DOCK8: variants seen among roughly 807,000 people sequenced by gnomAD.
DOCK8 encodes the protein dedicator of cytokinesis protein 8.
A neutral mutation model predicts 245.6 loss-of-function variants in DOCK8; 141 were observed. The ratio of observed to expected loss-of-function variants is 0.57; its 90% CI spans 0.50 to 0.66. The LOEUF is 0.66. Ranked by LOEUF, DOCK8 falls within the 30% of genes least tolerant of loss-of-function variation. The pLI is 0.00. For synonymous variants in DOCK8, 1,168 were observed against 970.2 expected, an observed-to-expected ratio of 1.20 and a Z score of -3.79; for missense variants, 2,965 against 2,603.4, an observed-to-expected ratio of 1.14 and a Z score of -3.02.
chr9:341,954 A>G (rs1489594688), intron 14 of DOCK8, among the ~76,000 whole-genome samples: 2 of 152,306 alleles, frequency 1.3e-5, no homozygotes, highest in Non-Finnish European at 2.9e-5. Context: ...ATGAGAATCT[A>G]ATGCCTGATA....
intron 29 of DOCK8, among the ~76,000 whole-genome samples, chr9:415,692 G>GCACACACGCACACACGCGCACA (rs1554699022): frequency 4.5e-4 from 68 of 151,088 alleles, no homozygotes; most frequent in Non-Finnish European, 6.9e-4. Context: ...GTGCGCGCGT[G>GCACACACGCACACACGCGCACA]CACACACACA....
intron 22 of DOCK8, among the ~76,000 whole-genome samples, chr9:383,010 T>C (rs2053787719): frequency 6.6e-6 from 1 of 152,206 alleles, no homozygotes; most frequent in Non-Finnish European, 1.5e-5. Flanking sequence ...CTTTAACTTT[T>C]GATACCTGGA....
intron 2 of DOCK8, among the ~76,000 whole-genome samples, chr9:280,302 C>G (rs1194339275): frequency 6.6e-6 from 1 of 152,054 alleles, no homozygotes; most frequent in Admixed American, 6.6e-5. Flanking sequence ...TTGAAAATTG[C>G]TTGAGGGAAG....
chr9:373,792 G>A (rs78843115), intron 18 of DOCK8, among the ~76,000 whole-genome samples: 3 of 152,112 alleles, frequency 2.0e-5, no homozygotes, highest in Non-Finnish European at 2.9e-5. Context: ...GCCATCTAAG[G>A]GGCAATCCGA....
chr9:404,914 C>G lies in DOCK8; in HGVS notation c.3235-4C>G. On this transcript the variant is annotated splice_polypyrimidine_tract_variant and splice_region_variant and intron_variant, in intron 26 of 47. Transcript: ENST00000432829. The stretch of plus-strand genomic sequence containing the variant: ...TTCATTCCTCTTTTCATTTTTCTTC[C>G]CAGCTGTCAGCCAAGCTCAGTAACC... 6.2e-7 allele frequency: 1 copy of G among 1,613,934 alleles called. No homozygotes were observed. Among genetic ancestry groups the G allele is most frequent in the Non-Finnish European group, 8.5e-7 (1 of 1,179,984 alleles).
chr9:323,074 CAA>C (rs1432472675), intron 7 of DOCK8, among the ~76,000 whole-genome samples: 5 of 128,448 alleles, frequency 3.9e-5, no homozygotes, highest in East Asian at 2.2e-4. Flanking sequence ...CCCTGGGTGA[CAA>C]GAGCAAAACT....
Position 441,347 on chromosome 9 carries a change from A to G in DOCK8, c.5285A>G (p.His1762Arg). 1 of 1,614,214 alleles carries G rather than the reference A, an allele frequency of 6.2e-7. No homozygotes were observed. Among genetic ancestry groups the G allele is most frequent in the South Asian group, 1.1e-5 (1 of 91,082 alleles). ...YKLVIPILEA[H>R]REFRKLTLTH... ...CTGGTCATCCCCATCCTAGAAGCGC[A>G]TCGAGAATTCCGGAAGCTGACACTC... Residue 1762 changes from histidine to arginine, a missense_variant, in exon 41 of 48, where the codon CAT becomes CGT. By Grantham distance (29) the His-to-Arg change is conservative. This residue lies in a region of DOCK8 where 2,825 missense variants were observed against 2,453.5 expected (regional missense o/e 1.15). Coordinates refer to ENST00000432829, the MANE Select transcript of DOCK8 (RefSeq NM_203447.4).
chr9:359,931 G>A (rs116359417), intron 14 of DOCK8, among the ~76,000 whole-genome samples: 1,707 of 152,048 alleles, frequency 0.011, 37 homozygotes, highest in African/African-American at 0.039. Flanking sequence ...AGCTTTTTAT[G>A]TATAAACCTG....
chr9:399,292 A>T (rs2054626874), intron 26 of DOCK8, 33 bp downstream of exon 26: 2 of 1,251,684 alleles, frequency 1.6e-6, no homozygotes, highest in African/African-American at 1.8e-5. Context: ...CCCCCGAGCG[A>T]GCCACTTGGT....
chr9:378,429 A>G (rs192086511), intron 20 of DOCK8, among the ~76,000 whole-genome samples: 39 of 152,374 alleles, frequency 2.6e-4, no homozygotes, highest in African/African-American at 8.4e-4. Context: ...GACGGCTTTT[A>G]GAGCCAGGGA....
chr9:455,853 A>C (rs1023905986), intron 46 of DOCK8, among the ~76,000 whole-genome samples: 1 of 152,066 alleles, frequency 6.6e-6, no homozygotes, highest in Non-Finnish European at 1.5e-5. Context: ...GTGAGAACAA[A>C]AAAAAAAGCA....
At chr9:276,949 C>T in intron 2 of DOCK8, 1 of 324,408 alleles carries the variant, frequency 3.1e-6, no homozygotes, top group South Asian at 2.2e-5. Flanking sequence ...ACTGGGACCA[C>T]AGGCGCACCA....
At chr9:457,616 T>A (rs531201815) in intron 46 of DOCK8, among the ~76,000 whole-genome samples, 45 of 152,230 alleles carry the variant, frequency 3.0e-4, no homozygotes, top group Non-Finnish European at 6.0e-4. Context: ...TGGGTTTATA[T>A]CCAGCTGTGC....
chr9:359,379 T>C (rs990118449), intron 14 of DOCK8, among the ~76,000 whole-genome samples: 1 of 152,214 alleles, frequency 6.6e-6, no homozygotes, highest in African/African-American at 2.4e-5. Flanking sequence ...CTCAGTTTTA[T>C]CATCTTCTGA....
At chr9:389,188 G>A (rs2054081935) in intron 23 of DOCK8, among the ~76,000 whole-genome samples, 3 of 152,150 alleles carry the variant, frequency 2.0e-5, no homozygotes, top group Admixed American at 2.0e-4. Context: ...GACATTATCA[G>A]GCACACTGTA....
chr9:281,994 G>A (rs1386629222), intron 2 of DOCK8, among the ~76,000 whole-genome samples: 4 of 152,172 alleles, frequency 2.6e-5, no homozygotes, highest in Admixed American at 2.6e-4. Context: ...CTTCAGTACT[G>A]GAATAGCTTC....
At chr9:247,634 C>T (rs980700147) in intron 1 of DOCK8, among the ~76,000 whole-genome samples, 3 of 152,012 alleles carry the variant, frequency 2.0e-5, no homozygotes, top group African/African-American at 7.2e-5. Context: ...CCCGGGTTCA[C>T]GCCCTTCTCC....
chr9:248,277 C>G (rs1234760190), intron 1 of DOCK8, among the ~76,000 whole-genome samples: 2 of 152,214 alleles, frequency 1.3e-5, no homozygotes, highest in African/African-American at 2.4e-5. Flanking sequence ...TTAGACAAAA[C>G]AGATTAACAT....
chr9:421,150 CA>C, intron 32 of DOCK8, 72 bp downstream of exon 32: 6 of 1,583,476 alleles, frequency 3.8e-6, no homozygotes, highest in Non-Finnish European at 5.2e-6. Flanking sequence ...AATGTCCTCC[CA>C]ACATGATTAG....
Sources: allele counts gnomAD v4.1 joint callset (sites outside exome capture counted in the v4.1 genomes callset), GRCh38; gene constraint gnomAD v4.1.1; regional missense constraint gnomAD v4.1.1; transcripts MANE v1.5; gene names NCBI Gene and HGNC (gene_info 2026-07-23, HGNC 2026-07-21).